POFUT3: variants seen among roughly 807,000 people sequenced by gnomAD.
The protein encoded by POFUT3 is GDP-fucose protein O-fucosyltransferase 3.
At chr8:33,410,950 A>T in the POFUT3 span, among the ~76,000 whole-genome samples, 1 of 152,084 alleles carries the variant, frequency 6.6e-6, no homozygotes, top group African/African-American at 2.4e-5. Context: ...ACCACCCCTA[A>T]CAGCCACTCA....
At chr8:33,450,580 A>T in the POFUT3 span, among the ~76,000 whole-genome samples, 1 of 152,260 alleles carries the variant, frequency 6.6e-6, no homozygotes, top group African/African-American at 2.4e-5. Flanking sequence ...TTTGAATGTA[A>T]GGTTTAGTTG....
chr8:33,468,373 T>C, the POFUT3 span, among the ~76,000 whole-genome samples: 2 of 152,092 alleles, frequency 1.3e-5, no homozygotes, highest in African/African-American at 4.8e-5. Context: ...CTTTGCCCAT[T>C]TCTGCTCTGG....
chr8:33,342,964 G>A, the POFUT3 span, among the ~76,000 whole-genome samples: 11 of 151,910 alleles, frequency 7.2e-5, no homozygotes, highest in East Asian at 1.9e-4. Flanking sequence ...AATATTAGCC[G>A]GGTGTGGTGT....
At chr8:33,459,339 CA>C in the POFUT3 span, among the ~76,000 whole-genome samples, 4 of 150,068 alleles carry the variant, frequency 2.7e-5, no homozygotes, top group South Asian at 2.1e-4. Flanking sequence ...AAACTCCACT[CA>C]AAAAAAAAGT....
the POFUT3 span, among the ~76,000 whole-genome samples, chr8:33,331,830 C>T: frequency 1.3e-5 from 2 of 152,022 alleles, no homozygotes; most frequent in Admixed American, 6.6e-5. Flanking sequence ...CGCCCGCCAC[C>T]ACGCCCGGCT....
chr8:33,340,160 C>A, the POFUT3 span, among the ~76,000 whole-genome samples: 1 of 151,974 alleles, frequency 6.6e-6, no homozygotes, highest in African/African-American at 2.4e-5. Context: ...AAAATGACAA[C>A]ACCAGCCAAT....
At chr8:33,415,333 G>A in the POFUT3 span, among the ~76,000 whole-genome samples, 1 of 152,126 alleles carries the variant, frequency 6.6e-6, no homozygotes, top group Non-Finnish European at 1.5e-5. Flanking sequence ...TGAATCAGAT[G>A]AGGGACTTAA....
chr8:33,409,566 C>T, the POFUT3 span, among the ~76,000 whole-genome samples: 7,174 of 152,262 alleles, frequency 0.047, 365 homozygotes, highest in African/African-American at 0.12. Flanking sequence ...AAGAAAAGTA[C>T]AGCTAATGTT....
At chr8:33,441,068 C>T in the POFUT3 span, among the ~76,000 whole-genome samples, 109 of 152,048 alleles carry the variant, frequency 7.2e-4, no homozygotes, top group African/African-American at 2.6e-3. Flanking sequence ...CAGTGGCTCA[C>T]GCCTGTAATC....
the POFUT3 span, among the ~76,000 whole-genome samples, chr8:33,435,818 A>ATTTTGT: frequency 6.6e-6 from 1 of 151,904 alleles, no homozygotes; most frequent in African/African-American, 2.4e-5. Flanking sequence ...ACTCGGCCTA[A>ATTTTGT]TTTTGTTTTT....
At chr8:33,316,505 G>C in the POFUT3 span, among the ~76,000 whole-genome samples, 1 of 151,808 alleles carries the variant, frequency 6.6e-6, no homozygotes, top group Non-Finnish European at 1.5e-5. Flanking sequence ...TGGATCACCT[G>C]AGGTCAGGGG....
the POFUT3 span, among the ~76,000 whole-genome samples, chr8:33,399,845 G>T: frequency 6.6e-6 from 1 of 151,624 alleles, no homozygotes; most frequent in African/African-American, 2.4e-5. Flanking sequence ...GTAGAGACGG[G>T]GTTTCACCAT....
the POFUT3 span, among the ~76,000 whole-genome samples, chr8:33,418,969 A>G: frequency 6.6e-6 from 1 of 152,196 alleles, no homozygotes; most frequent in East Asian, 1.9e-4. Flanking sequence ...GAAATAAGCC[A>G]GGCACAGAAA....
chr8:33,418,444 A>G, the POFUT3 span, among the ~76,000 whole-genome samples: 1 of 139,624 alleles, frequency 7.2e-6, no homozygotes, highest in East Asian at 2.1e-4. Context: ...ATGGGATTAT[A>G]GGCACGCACC....
chr8:33,406,234 GA>G, the POFUT3 span, among the ~76,000 whole-genome samples: 27 of 148,870 alleles, frequency 1.8e-4, no homozygotes, highest in East Asian at 3.9e-4. Flanking sequence ...ATTCTAACAT[GA>G]AAAAAAAAAT....
At chr8:33,430,458 A>G in the POFUT3 span, among the ~76,000 whole-genome samples, 1 of 152,180 alleles carries the variant, frequency 6.6e-6, no homozygotes, top group Non-Finnish European at 1.5e-5. Context: ...ATCATGTATG[A>G]AAATAAAAAC....
the POFUT3 span, among the ~76,000 whole-genome samples, chr8:33,383,110 A>T: frequency 1.3e-5 from 2 of 152,134 alleles, no homozygotes; most frequent in East Asian, 3.9e-4. Flanking sequence ...TCTCAGGGGC[A>T]GGGTCCTGAG....
At chr8:33,357,828 G>A in the POFUT3 span, among the ~76,000 whole-genome samples, 1 of 152,174 alleles carries the variant, frequency 6.6e-6, no homozygotes, top group East Asian at 1.9e-4. Flanking sequence ...TCTCCAACAG[G>A]CAGCCTCCAT....
chr8:33,471,910 T>C, the POFUT3 span, among the ~76,000 whole-genome samples: 1 of 152,174 alleles, frequency 6.6e-6, no homozygotes, highest in Non-Finnish European at 1.5e-5. Flanking sequence ...TGGCTTCTCC[T>C]TACTCAGAAG....
Sources: allele counts gnomAD v4.1 joint callset (sites outside exome capture counted in the v4.1 genomes callset), GRCh38; gene constraint gnomAD v4.1.1; transcripts MANE v1.5; gene names NCBI Gene and HGNC (gene_info 2026-07-23, HGNC 2026-07-21).